The following ELP4 variants were observed in gnomAD, a reference collection of about 807,000 sequenced individuals.
The protein encoded by ELP4 is elongator complex protein 4.
In ELP4, 51 loss-of-function variants were observed where a neutral mutation model predicts 48.9. That is an observed-to-expected ratio of 1.04 (90% CI 0.83 to 1.32). ELP4 has a LOEUF of 1.32. Among genes scored for constraint, ELP4 ranks in the 40% most tolerant of loss-of-function variants. ELP4 has a pLI of 0.00. For synonymous variants in ELP4, 210 were observed against 189.2 expected (o/e 1.11, Z -0.90); for missense variants, 519 against 514.6 (o/e 1.01, Z -0.08).
At chr11:31,664,244 A>G (rs1415419030) in intron 9 of ELP4, 1 of 152,138 alleles carries the variant, frequency 6.6e-6, no homozygotes, top group Non-Finnish European at 1.5e-5. Context: ...CATGTTTTGT[A>G]AGAGATTTCA....
intron 5 of ELP4, among the ~76,000 whole-genome samples, chr11:31,622,721 AT>A (rs1407519876): frequency 1.3e-5 from 2 of 151,492 alleles, no homozygotes; most frequent in Non-Finnish European, 3.0e-5. Context: ...CATGAGTTTA[AT>A]TTTTTTCTAT....
At chr11:31,599,835 C>A (rs1485927370) in intron 4 of ELP4, 1 of 152,144 alleles carries the variant, frequency 6.6e-6, no homozygotes, top group Non-Finnish European at 1.5e-5. Flanking sequence ...GTGGGGATTA[C>A]AATTTGAGTT....
chr11:31,597,158 C>G (rs1957683338), intron 4 of ELP4, among the ~76,000 whole-genome samples: 1 of 152,064 alleles, frequency 6.6e-6, no homozygotes, highest in Admixed American at 6.6e-5. Context: ...TATATTTACT[C>G]AAATGTAAAA....
chr11:31,554,750 T>C (rs1346864266), intron 3 of ELP4, among the ~76,000 whole-genome samples: 2 of 152,150 alleles, frequency 1.3e-5, no homozygotes, highest in Non-Finnish European at 2.9e-5. Flanking sequence ...CTCCAGCCCA[T>C]CACAACTACC....
At chr11:31,510,043 G>A (rs1259386800) in intron 1 of ELP4, 36 bp downstream of exon 1, 2 of 1,586,502 alleles carry the variant, frequency 1.3e-6, no homozygotes, top group Admixed American at 3.4e-5. Flanking sequence ...TCAGCCGAGG[G>A]GAAACTTAGG....
Position 31,786,268 on chromosome 11 carries a change from C to T in ELP4, c.*2744C>T. 4.8e-6 allele frequency: 1 copy of T among 209,994 alleles called. No homozygotes were observed. Among genetic ancestry groups the T allele is most frequent in the Non-Finnish European group, 9.7e-6 (1 of 103,250 alleles). 13.0% of individuals were successfully genotyped at this position (209,994 alleles called of 1,614,324 possible). ...GCATACAAAAGGAGAGTGGGGGGAC[C>T]CCCCTATTCATTTGTTTAAGCCCAT... is the stretch of plus-strand genomic sequence containing the variant. On this transcript the variant is annotated 3_prime_UTR_variant, in exon 10 of 10. Coordinates refer to ENST00000640961, the MANE Select transcript of ELP4 (RefSeq NM_019040.5).
intron 9 of ELP4, among the ~76,000 whole-genome samples, chr11:31,682,886 T>C (rs1391194470): frequency 1.3e-5 from 2 of 152,174 alleles, no homozygotes; most frequent in East Asian, 3.9e-4. Context: ...CATCACTTTC[T>C]ATTTATATTA....
chr11:31,739,311 A>G (rs965453882), intron 9 of ELP4, among the ~76,000 whole-genome samples: 1 of 152,206 alleles, frequency 6.6e-6, no homozygotes, highest in Non-Finnish European at 1.5e-5. Context: ...GTTCATTTTC[A>G]AAGTGTGAGA....
intron 6 of ELP4, 151 bp from the exon 7 acceptor site, chr11:31,632,066 C>G (rs1565088214): frequency 1.9e-6 from 1 of 513,710 alleles, no homozygotes. Flanking sequence ...TTCATTTATA[C>G]TGCTTTATGT....
At chr11:31,543,745 T>C (rs1197996497) in intron 3 of ELP4, among the ~76,000 whole-genome samples, 1 of 152,186 alleles carries the variant, frequency 6.6e-6, no homozygotes, top group Non-Finnish European at 1.5e-5. Flanking sequence ...CAGCCAACTT[T>C]TAGGCAATAC....
At chr11:31,547,028 A>T (rs572071550) in intron 3 of ELP4, among the ~76,000 whole-genome samples, 18 of 152,306 alleles carry the variant, frequency 1.2e-4, no homozygotes, top group African/African-American at 4.1e-4. Flanking sequence ...CCACAAGAGA[A>T]AGCAGGAAAG....
chr11:31,544,210 G>A (rs1468663845), intron 3 of ELP4, among the ~76,000 whole-genome samples: 1 of 152,236 alleles, frequency 6.6e-6, no homozygotes, highest in Non-Finnish European at 1.5e-5. Context: ...TGCCTCACTC[G>A]GGAAGCGCAA....
At chr11:31,736,352 A>G (rs1049428332) in intron 9 of ELP4, among the ~76,000 whole-genome samples, 5 of 152,270 alleles carry the variant, frequency 3.3e-5, no homozygotes, top group Non-Finnish European at 1.5e-5. Context: ...CTTACATGGT[A>G]GACCTAAAAC....
chr11:31,651,527 T>A (rs1945318138), intron 9 of ELP4: 1 of 151,718 alleles, frequency 6.6e-6, no homozygotes, highest in Admixed American at 6.6e-5. Flanking sequence ...AAGAAACCAT[T>A]GAAGTGGAAC....
At chr11:31,702,344 A>G (rs1946543565) in intron 9 of ELP4, among the ~76,000 whole-genome samples, 1 of 151,560 alleles carries the variant, frequency 6.6e-6, no homozygotes, top group Non-Finnish European at 1.5e-5. Context: ...AATAATAATA[A>G]TAACAATAAT....
At chr11:31,547,896 T>C (rs1049974837) in intron 3 of ELP4, among the ~76,000 whole-genome samples, 2 of 152,166 alleles carry the variant, frequency 1.3e-5, no homozygotes, top group Non-Finnish European at 2.9e-5. Flanking sequence ...CACATGATTA[T>C]CTCAATAGAT....
chr11:31,690,673 T>G (rs996387155), intron 9 of ELP4, among the ~76,000 whole-genome samples: 1 of 151,964 alleles, frequency 6.6e-6, no homozygotes, highest in Non-Finnish European at 1.5e-5. Flanking sequence ...AAGAAAATGT[T>G]GGCCCTGAAA....
At chr11:31,659,859 G>A (rs1165883017) in intron 9 of ELP4, among the ~76,000 whole-genome samples, 2 of 151,988 alleles carry the variant, frequency 1.3e-5, no homozygotes, top group South Asian at 2.1e-4. Context: ...GGGCGTGGTG[G>A]CAGGCACCTG....
At chr11:31,732,087 T>A (rs1947201804) in intron 9 of ELP4, among the ~76,000 whole-genome samples, 1 of 152,024 alleles carries the variant, frequency 6.6e-6, no homozygotes. Flanking sequence ...GAAAAGACAC[T>A]AAACAGTAAC....
Sources: allele counts gnomAD v4.1 joint callset (sites outside exome capture counted in the v4.1 genomes callset), GRCh38; gene constraint gnomAD v4.1.1; transcripts MANE v1.5; gene names NCBI Gene and HGNC (gene_info 2026-07-23, HGNC 2026-07-21).